Variants in HERC3 observed in about 807,000 individuals in gnomAD.
The protein encoded by HERC3 is HECT and RLD domain containing E3 ubiquitin protein ligase 3.
In HERC3, 58 loss-of-function variants were observed where a neutral mutation model predicts 129.9. The ratio of observed to expected loss-of-function variants is 0.45; its 90% confidence interval spans 0.36 to 0.56. The LOEUF is 0.56. Among genes scored for constraint, HERC3 ranks in the 20% least tolerant of loss-of-function variants. The probability of loss-of-function intolerance (pLI) is 0.00; values close to 1 mark genes in which losing one functional copy is unlikely to be tolerated. For synonymous variants in HERC3, 430 were observed against 451.0 expected (o/e 0.95, Z 0.59); for missense variants, 835 against 1,244.2 (o/e 0.67, Z 4.95).
chr4:88,620,770 C>T (rs1725427144), intron 3 of HERC3, among the ~76,000 whole-genome samples: 1 of 152,140 alleles, frequency 6.6e-6, no homozygotes, highest in African/African-American at 2.4e-5. Flanking sequence ...TCATTGGTCC[C>T]TCCTCAGAGT....
At position 88,704,210 on chromosome 4, in the gene HERC3, C is replaced by T; in HGVS notation, c.2770C>T (p.Leu924Phe). Residue 924 changes from leucine to phenylalanine, a missense_variant, in exon 24 of 26, where the codon CTC becomes TTC. Transcript: ENST00000402738. ...LKVCGGKVLE[L>F]FQPSELRAMM... ...GGTGTGTGGTGGCAAAGTACTTGAG[C>T]TCTTCCAGCCTTCAGAACTGAGGGC... 1 of 1,614,114 alleles carries T rather than the reference C, an allele frequency of 6.2e-7. No individual in the cohort carries two copies. Among genetic ancestry groups the T allele is most frequent in the Non-Finnish European group, 8.5e-7 (1 of 1,180,002 alleles).
chr4:88,537,758 C>T, the HERC3 span, among the ~76,000 whole-genome samples: 2 of 152,214 alleles, frequency 1.3e-5, no homozygotes, highest in Non-Finnish European at 2.9e-5. Flanking sequence ...GATCTTCTGA[C>T]ATTTTTAGTG....
chr4:88,612,043 A>G (rs1413225110), intron 3 of HERC3, among the ~76,000 whole-genome samples: 1 of 151,898 alleles, frequency 6.6e-6, no homozygotes. Context: ...CATGTTATAC[A>G]CTCTGTCTCT....
intron 21 of HERC3, among the ~76,000 whole-genome samples, chr4:88,685,807 A>C (rs1733380538): frequency 6.6e-6 from 1 of 152,174 alleles, no homozygotes; most frequent in Non-Finnish European, 1.5e-5. Context: ...GGGTGAAAAA[A>C]AGTAAAGATG....
chr4:88,602,793 A>G (rs1470223336), intron 2 of HERC3, among the ~76,000 whole-genome samples: 2 of 152,088 alleles, frequency 1.3e-5, no homozygotes, highest in African/African-American at 2.4e-5. Context: ...GTTTTCTTTC[A>G]TATCCAGATA....
At chr4:88,633,325 T>C (rs1472131655) in intron 3 of HERC3, among the ~76,000 whole-genome samples, 1 of 152,218 alleles carries the variant, frequency 6.6e-6, no homozygotes, top group African/African-American at 2.4e-5. Flanking sequence ...TATCTGGGAA[T>C]ATAATACACT....
At chr4:88,637,087 C>T (rs1349499036) in intron 3 of HERC3, among the ~76,000 whole-genome samples, 1 of 151,986 alleles carries the variant, frequency 6.6e-6, no homozygotes, top group Non-Finnish European at 1.5e-5. Flanking sequence ...TGAGATTGCA[C>T]TACTGCACTC....
chr4:88,692,416 A>G (rs1043636887), intron 23 of HERC3, among the ~76,000 whole-genome samples: 1 of 152,102 alleles, frequency 6.6e-6, no homozygotes, highest in African/African-American at 2.4e-5. Context: ...GAAATGCCAA[A>G]CTTAAGGTAA....
intron 11 of HERC3, among the ~76,000 whole-genome samples, 177 bp downstream of exon 11, chr4:88,662,732 A>T (rs1257270855): frequency 3.3e-5 from 5 of 152,164 alleles, no homozygotes; most frequent in African/African-American, 1.2e-4. Flanking sequence ...AGCCCCAAAT[A>T]GCATAATGGA....
chr4:88,626,667 G>A (rs1346421347), intron 3 of HERC3, among the ~76,000 whole-genome samples: 1 of 152,000 alleles, frequency 6.6e-6, no homozygotes, highest in Non-Finnish European at 1.5e-5. Context: ...CATGTCTTTT[G>A]AGGAATTTGT....
chr4:88,613,830 T>C (rs1232787688), intron 3 of HERC3, among the ~76,000 whole-genome samples: 2 of 152,194 alleles, frequency 1.3e-5, no homozygotes, highest in Admixed American at 1.3e-4. Flanking sequence ...TTGGTGATAA[T>C]GGTTATAATC....
At chr4:88,701,283 T>C (rs1052022770) in intron 23 of HERC3, among the ~76,000 whole-genome samples, 3 of 152,156 alleles carry the variant, frequency 2.0e-5, no homozygotes, top group Admixed American at 1.3e-4. Flanking sequence ...ATTTTAAAAA[T>C]GGGAAAAGGG....
chr4:88,635,815 A>G (rs1052890060), intron 3 of HERC3, among the ~76,000 whole-genome samples: 5 of 152,220 alleles, frequency 3.3e-5, no homozygotes, highest in African/African-American at 4.8e-5. Flanking sequence ...CAGAAACCCT[A>G]CAAGCCAGAA....
the HERC3 span, among the ~76,000 whole-genome samples, chr4:88,572,538 T>G: frequency 6.6e-6 from 1 of 152,060 alleles, no homozygotes; most frequent in African/African-American, 2.4e-5. Context: ...TGGCCGAGTG[T>G]GGTGGCTCAC....
chr4:88,601,970 G>A (rs1258578445), intron 2 of HERC3, among the ~76,000 whole-genome samples: 6 of 93,700 alleles, frequency 6.4e-5, no homozygotes, highest in Non-Finnish European at 5.3e-5. Context: ...GCAGGAGAAT[G>A]GCGTGAACCC....
chr4:88,699,588 T>C (rs1428114931), intron 23 of HERC3, among the ~76,000 whole-genome samples: 6 of 151,386 alleles, frequency 4.0e-5, no homozygotes, highest in Admixed American at 6.6e-5. Flanking sequence ...TAGAAGCAAA[T>C]ACAGTGAAAT....
Position 88,605,794 on chromosome 4 carries a change from G to A in HERC3, c.-29-1G>A. The A allele has an allele frequency of 6.4e-7, 1 of 1,562,808 alleles. No individual in the cohort carries two copies. Among genetic ancestry groups the A allele is most frequent in the Non-Finnish European group, 8.8e-7 (1 of 1,133,730 alleles). ...AATAATTTTTTTAAACTCTCTCCTA[G>A]GCTACATGATTCCCTGAAAGATAAG... On this transcript the variant is annotated splice_acceptor_variant, in intron 2 of 25. Coordinates refer to ENST00000402738, the MANE Select transcript of HERC3 (RefSeq NM_014606.3). LOFTEE classifies it low-confidence loss of function (5UTR_SPLICE).
chr4:88,679,669 C>T (rs3017917), intron 19 of HERC3, among the ~76,000 whole-genome samples: 5 of 151,700 alleles, frequency 3.3e-5, no homozygotes, highest in Non-Finnish European at 7.4e-5. Context: ...AGGTGCCCAC[C>T]ACCATGCCAG....
chr4:88,571,827 C>T, the HERC3 span, among the ~76,000 whole-genome samples: 2 of 151,962 alleles, frequency 1.3e-5, no homozygotes, highest in African/African-American at 2.4e-5. Context: ...TACTTTACTC[C>T]GTCTCAATCA....
Sources: allele counts gnomAD v4.1 joint callset (sites outside exome capture counted in the v4.1 genomes callset), GRCh38; gene constraint gnomAD v4.1.1; transcripts MANE v1.5; gene names NCBI Gene and HGNC (gene_info 2026-07-23, HGNC 2026-07-21).